TRAPPC12: variants seen among roughly 807,000 people sequenced by gnomAD.
TRAPPC12 encodes the protein TPR repeat protein 15.
A neutral mutation model predicts 69.2 loss-of-function variants in TRAPPC12; 61 were observed. The ratio of observed to expected loss-of-function variants is 0.88; its 90% CI spans 0.72 to 1.09. TRAPPC12 has a LOEUF of 1.09. Among genes scored for constraint, TRAPPC12 ranks in the 50% least tolerant of loss-of-function variants. The pLI is 0.00. For missense variants in TRAPPC12, 1,101 were observed against 1,016.4 expected (o/e 1.08, Z -1.13); for synonymous variants, 469 against 438.9 (o/e 1.07, Z -0.86).
chr2:3,453,069 C>T (rs1664934985), intron 6 of TRAPPC12, among the ~76,000 whole-genome samples: 1 of 152,232 alleles, frequency 6.6e-6, no homozygotes, highest in Non-Finnish European at 1.5e-5. Context: ...CACCGGACAT[C>T]CCTGTTCTTG....
intron 5 of TRAPPC12, among the ~76,000 whole-genome samples, chr2:3,435,413 A>G (rs1291352317): frequency 6.6e-6 from 1 of 152,210 alleles, no homozygotes; most frequent in Non-Finnish European, 1.5e-5. Flanking sequence ...TAATTCTGAA[A>G]GAATTTTGCT....
chr2:3,411,539 T>C (rs1662061824), intron 3 of TRAPPC12, among the ~76,000 whole-genome samples: 1 of 152,272 alleles, frequency 6.6e-6, no homozygotes, highest in Non-Finnish European at 1.5e-5. Context: ...TGTGTGCATA[T>C]CTATACTATA....
intron 2 of TRAPPC12, among the ~76,000 whole-genome samples, chr2:3,400,700 C>G (rs574538548): frequency 3.8e-3 from 577 of 152,326 alleles, no homozygotes; most frequent in Middle Eastern, 0.01. Context: ...CGAAACAGCA[C>G]TGAGGCCTGT....
At chr2:3,394,241 A>G (rs963145691) in intron 2 of TRAPPC12, among the ~76,000 whole-genome samples, 1 of 152,156 alleles carries the variant, frequency 6.6e-6, no homozygotes, top group African/African-American at 2.4e-5. Flanking sequence ...GGGTTTAGTC[A>G]CTTGGCCACA....
chr2:3,443,737 A>C, intron 5 of TRAPPC12, 42 bp from the exon 6 acceptor site: 1 of 1,530,710 alleles, frequency 6.5e-7, no homozygotes, highest in Non-Finnish European at 9.1e-7. Context: ...ATGCGTGCTC[A>C]GTTATGGCAA....
At chr2:3,389,364 A>G (rs955873796) in intron 2 of TRAPPC12, among the ~76,000 whole-genome samples, 22 of 152,242 alleles carry the variant, frequency 1.4e-4, no homozygotes, top group Non-Finnish European at 5.9e-5. Context: ...TTGTGCGAGC[A>G]ACTGAGTGTA....
rs976616762 is a variant in TRAPPC12, at chr2:3,443,963, C to T, written c.1530+72C>T. The T allele has an allele frequency of 4.0e-5, 47 of 1,173,710 alleles. No homozygotes were observed. In the African/African-American group the frequency reaches 4.7e-4, roughly 12 times the overall value. The allele number at this position is 1,173,710 out of a possible 1,614,324, so 72.7% of individuals were successfully genotyped here. On this transcript the variant is annotated intron_variant, in intron 6 of 11. Transcript: ENST00000324266. ...CCACGCCCTCCCCACAGGACATGCC[C>T]GTGCTGTTCCCTGCCCGTCCTGCCC...
intron 5 of TRAPPC12, among the ~76,000 whole-genome samples, chr2:3,432,221 T>C (rs941794899): frequency 3.3e-5 from 5 of 152,250 alleles, no homozygotes; most frequent in African/African-American, 1.2e-4. Context: ...AGAGCTGTAA[T>C]GACGTCACAG....
chr2:3,426,093 G>C (rs955374647), intron 5 of TRAPPC12, among the ~76,000 whole-genome samples: 1 of 152,146 alleles, frequency 6.6e-6, no homozygotes, highest in Non-Finnish European at 1.5e-5. Flanking sequence ...AGTTATCCCA[G>C]AATTGATGGA....
In TRAPPC12 at chr2:3,479,180, G is replaced by A. The variant is rs371333810; in HGVS notation, c.1966-39G>A. 7 of 1,598,580 alleles carry A rather than the reference G, an allele frequency of 4.4e-6. No individual in the cohort carries two copies. The African/African-American group carries it at 9.4e-5, about 21-fold the overall frequency. ...CCTGGAATGGGCGGGCGTCTGTCCT[G>A]GTTGTGTGGGCCAACCCTGGGCGTG... is the stretch of plus-strand genomic sequence containing the variant. On this transcript the variant is annotated intron_variant, in intron 11 of 11. Coordinates refer to ENST00000324266, the MANE Select transcript of TRAPPC12 (RefSeq NM_016030.6).
intron 6 of TRAPPC12, chr2:3,449,426 G>C (rs1664730500): frequency 6.6e-6 from 1 of 152,412 alleles, no homozygotes; most frequent in South Asian, 2.1e-4. Context: ...AGAGTTTCAC[G>C]TTCATCCAAG....
At chr2:3,425,434 G>A (rs1222920474) in intron 5 of TRAPPC12, among the ~76,000 whole-genome samples, 4 of 152,214 alleles carry the variant, frequency 2.6e-5, no homozygotes, top group East Asian at 3.8e-4. Flanking sequence ...ATTGAATCGC[G>A]TAGCCTTGGA....
chr2:3,460,009 G>C (rs1052460922), intron 7 of TRAPPC12: 3 of 593,320 alleles, frequency 5.1e-6, no homozygotes, highest in Non-Finnish European at 6.0e-6. Context: ...TGTCTGGGCT[G>C]ATGCTGAGCA....
chr2:3,436,407 T>G (rs1663778126), intron 5 of TRAPPC12, among the ~76,000 whole-genome samples: 1 of 152,134 alleles, frequency 6.6e-6, no homozygotes, highest in South Asian at 2.1e-4. Context: ...TATTGTATAC[T>G]AAAGAATATA....
intron 4 of TRAPPC12, among the ~76,000 whole-genome samples, chr2:3,423,187 G>A (rs1287599438): frequency 6.6e-6 from 1 of 152,168 alleles, no homozygotes; most frequent in African/African-American, 2.4e-5. Flanking sequence ...GTCAAGAGCT[G>A]GATAGTTTCC....
At chr2:3,392,352 G>A (rs1660874581) in intron 2 of TRAPPC12, among the ~76,000 whole-genome samples, 2 of 152,122 alleles carry the variant, frequency 1.3e-5, no homozygotes, top group South Asian at 2.1e-4. Context: ...CAGGACAGAC[G>A]GCCTAGACAA....
intron 4 of TRAPPC12, among the ~76,000 whole-genome samples, chr2:3,423,899 C>T (rs1662958113): frequency 6.6e-6 from 1 of 152,202 alleles, no homozygotes; most frequent in Admixed American, 6.5e-5. Flanking sequence ...ACTGTGCTCT[C>T]TCGTATGTTG....
chr2:3,469,150 A>G (rs1175298085), intron 9 of TRAPPC12, among the ~76,000 whole-genome samples: 1 of 152,212 alleles, frequency 6.6e-6, no homozygotes, highest in Admixed American at 6.5e-5. Context: ...AGTCACTTTC[A>G]AGAAAGCACG....
At chr2:3,429,667 T>C (rs985962050) in intron 5 of TRAPPC12, among the ~76,000 whole-genome samples, 1 of 152,222 alleles carries the variant, frequency 6.6e-6, no homozygotes, top group Non-Finnish European at 1.5e-5. Context: ...ATTTACTGTT[T>C]ACTTTTACTT....
Sources: gnomAD v4.1 joint callset for allele counts (sites outside exome capture counted in the v4.1 genomes callset) on GRCh38, gnomAD v4.1.1 for gene constraint, MANE v1.5 for transcripts, NCBI Gene and HGNC (gene_info 2026-07-23, HGNC 2026-07-21) for gene names.